The following RADX variants were observed in gnomAD, a reference collection of about 807,000 sequenced individuals.
RADX encodes RPA1 related single stranded DNA binding protein, X-linked.
A neutral mutation model predicts 61.6 loss-of-function variants in RADX; 36 were observed. The ratio of observed to expected loss-of-function variants is 0.58; its 90% CI spans 0.45 to 0.77. RADX has a LOEUF of 0.77. Among genes scored for constraint, RADX ranks in the 30% least tolerant of loss-of-function variants. The probability of loss-of-function intolerance (pLI) is 0.00; values close to 1 mark genes in which losing one functional copy is unlikely to be tolerated. For missense variants in RADX, 497 were observed against 651.1 expected (o/e 0.76, Z 2.58); for synonymous variants, 272 against 237.9 (o/e 1.14, Z -1.32).
chrX:106,646,626 T>A (rs1049555286), intron 10 of RADX, among the ~76,000 whole-genome samples: 7 of 110,878 alleles, frequency 6.3e-5, no homozygotes, highest in Non-Finnish European at 1.3e-4. Context: ...TGTAGGAAAT[T>A]ATGCTGGAGC....
At chrX:106,673,439 G>A (rs776532243) in intron 13 of RADX, among the ~76,000 whole-genome samples, 2 of 110,493 alleles carry the variant, frequency 1.8e-5, no homozygotes, top group African/African-American at 3.3e-5. Context: ...GCTAAGGCCC[G>A]AAACGATGTC....
intron 3 of RADX, among the ~76,000 whole-genome samples, chrX:106,627,463 T>C (rs778036938): frequency 9.0e-6 from 1 of 111,592 alleles, no homozygotes; most frequent in East Asian, 2.8e-4. Context: ...TTGTCACTTT[T>C]TGTGGTAAGG....
At chrX:106,652,983 CAA>C (rs35694143) in intron 11 of RADX, among the ~76,000 whole-genome samples, 12,713 of 54,927 alleles carry the variant, frequency 0.23, 2,805 homozygotes, top group African/African-American at 0.6. Context: ...GAGATTCTGT[CAA>C]AAAAAAAAAA....
At chrX:106,617,582 A>G (rs1926842882) in intron 1 of RADX, among the ~76,000 whole-genome samples, 1 of 111,692 alleles carries the variant, frequency 9.0e-6, no homozygotes, top group South Asian at 3.7e-4. Context: ...TGATTAATGT[A>G]TTATTGTTGA....
At position 106,669,023 on chromosome X, in the gene RADX, T is replaced by A; in HGVS notation, c.2270-140T>A. 3 of 507,642 alleles carry A rather than the reference T, an allele frequency of 5.9e-6. No homozygotes were observed. The South Asian group carries it at 9.1e-5, about 15-fold the overall frequency. The allele number at this position is 507,642 out of a possible 1,213,427, so 41.8% of individuals were successfully genotyped here. A position where few individuals can be genotyped will look rare whatever the true frequency, so the allele number is the denominator to read the frequency against. On this transcript the variant is annotated intron_variant, in intron 12 of 13. Transcript: ENST00000372548. Reference sequence around the variant, plus strand: ...TATTCATAAATTGCAATACTAGGAGTTTAGTCTCCAGTTTTCAAACACAGG... The same window carrying A: ...TATTCATAAATTGCAATACTAGGAGATTAGTCTCCAGTTTTCAAACACAGG...
intron 1 of RADX, among the ~76,000 whole-genome samples, chrX:106,613,226 A>T (rs1345203862): frequency 1.8e-5 from 2 of 112,093 alleles, no homozygotes; most frequent in Admixed American, 1.9e-4. Flanking sequence ...CTTTACATTG[A>T]TTGAAACGCC....
At chrX:106,665,579 C>T (rs1027700595) in intron 12 of RADX, among the ~76,000 whole-genome samples, 4 of 109,319 alleles carry the variant, frequency 3.7e-5, no homozygotes, top group Non-Finnish European at 7.6e-5. Context: ...TGTTCTAGAC[C>T]CCTGTTCTTA....
intron 10 of RADX, among the ~76,000 whole-genome samples, chrX:106,646,900 T>C (rs1927670953): frequency 9.0e-6 from 1 of 111,614 alleles, no homozygotes; most frequent in Non-Finnish European, 1.9e-5. Flanking sequence ...TGAAATGTTT[T>C]GATGCAGGCA....
chrX:106,644,562 G>T (rs1217783732), intron 10 of RADX, among the ~76,000 whole-genome samples: 2 of 110,715 alleles, frequency 1.8e-5, no homozygotes, highest in East Asian at 2.8e-4. Flanking sequence ...TGTTGATATG[G>T]TATATCACAT....
At chrX:106,676,997 G>A (rs1029409971) in intron 13 of RADX, among the ~76,000 whole-genome samples, 1 of 111,827 alleles carries the variant, frequency 8.9e-6, no homozygotes, top group Admixed American at 9.5e-5. Context: ...TTTGCTTCTT[G>A]CTTGTCCCAA....
At chrX:106,672,528 A>G (rs1422125243) in intron 13 of RADX, among the ~76,000 whole-genome samples, 1 of 110,897 alleles carries the variant, frequency 9.0e-6, no homozygotes, top group Non-Finnish European at 1.9e-5. Context: ...CTGAGGCTGG[A>G]GTGACACAAG....
Position 106,655,378 on chromosome X carries a change from C to T in RADX, c.1979-6637C>T, listed in dbSNP as rs551516678. On this transcript the variant is annotated intron_variant, in intron 11 of 13. Transcript: ENST00000372548. ...TTATTATACTTTAAGTTCTAGGGTACATGTGCACAATGTGCAGGTTTGTTA... is the reference window on the plus strand; with the variant it reads ...TTATTATACTTTAAGTTCTAGGGTATATGTGCACAATGTGCAGGTTTGTTA... 3.7e-4 allele frequency among the ~76,000 whole-genome samples: 39 copies of T among 105,037 alleles called. No individual in the cohort carries two copies. In the South Asian group the frequency reaches 0.011, roughly 29 times the overall value. The allele number at this position is 105,037 out of a possible 115,157, so 91.2% of individuals were successfully genotyped here.
intron 1 of RADX, among the ~76,000 whole-genome samples, chrX:106,614,270 A>T (rs185952942): frequency 0.018 from 1,975 of 111,278 alleles, 43 homozygotes; most frequent in African/African-American, 0.059. Flanking sequence ...GTATTTTTTT[A>T]AAAAAAAGGA....
rs773657954 is a variant in RADX, at chrX:106,660,088, T to C, written c.1979-1927T>C. ...TAGCTACTAATTGTTGTTCTGATTA[T>C]GTACTTTTATTAGTTTGAGAAGAGA... On this transcript the variant is annotated intron_variant, in intron 11 of 13. Coordinates refer to ENST00000372548, the MANE Select transcript of RADX (RefSeq NM_018015.6). Among the ~76,000 whole-genome samples, 5 of 112,126 alleles carry C rather than the reference T, an allele frequency of 4.5e-5. No individual in the cohort carries two copies. In the South Asian group the frequency reaches 1.9e-3, roughly 42 times the overall value.
In RADX at chrX:106,637,940, C is replaced by T. The variant is rs1381220117; in HGVS notation, c.1573+16C>T. ...TCTATTAAAGGTACTAATGTAATTG[C>T]CAGTCCTTCTAAATATGTTTATATT... is the stretch of plus-strand genomic sequence containing the variant. On this transcript the variant is annotated intron_variant, in intron 8 of 13. Coordinates refer to ENST00000372548, the MANE Select transcript of RADX (RefSeq NM_018015.6). The T allele has an allele frequency of 8.7e-7, 1 of 1,149,769 alleles. No homozygotes were observed. The allele number at this position is 1,149,769 out of a possible 1,213,427, so 94.8% of individuals were successfully genotyped here.
intron 3 of RADX, among the ~76,000 whole-genome samples, chrX:106,631,682 C>G (rs1207905094): frequency 1.3e-5 from 1 of 74,880 alleles, no homozygotes; most frequent in Non-Finnish European, 2.4e-5. Flanking sequence ...CCAGCCTGGG[C>G]AACAGAGTAA....
intron 10 of RADX, among the ~76,000 whole-genome samples, chrX:106,642,197 A>G (rs1927530575): frequency 9.0e-6 from 1 of 111,326 alleles, no homozygotes; most frequent in African/African-American, 3.3e-5. Flanking sequence ...ATGTGAAATA[A>G]GAATGTCATG....
chrX:106,652,983 C>CAAAA (rs35694143), intron 11 of RADX, among the ~76,000 whole-genome samples: 1 of 55,060 alleles, frequency 1.8e-5, no homozygotes, highest in African/African-American at 5.0e-5. Context: ...GAGATTCTGT[C>CAAAA]AAAAAAAAAA....
rs775488167 is a variant in RADX at position 106,612,033 on chromosome X, G to A, written c.-48G>A. ...GGTTTTATTTCTCTCCGCTTTGGAC[G>A]GGGCAAACTAGCTTTTGGGAGTGAA... On this transcript the variant is annotated 5_prime_UTR_variant, in exon 1 of 14. Coordinates refer to ENST00000372548, the MANE Select transcript of RADX (RefSeq NM_018015.6). 4 of 1,156,386 alleles carry A rather than the reference G, an allele frequency of 3.5e-6. No homozygotes were observed. The highest frequency in any genetic ancestry group is 4.6e-6 in the Non-Finnish European group (4 of 866,335).
Sources: gnomAD v4.1 joint callset for allele counts (sites outside exome capture counted in the v4.1 genomes callset) on GRCh38, gnomAD v4.1.1 for gene constraint, MANE v1.5 for transcripts, NCBI Gene and HGNC (gene_info 2026-07-23, HGNC 2026-07-21) for gene names.